Variants in TAOK3 observed in about 807,000 individuals in gnomAD.
The protein encoded by TAOK3 is TAO kinase 3.
TAOK3 carries 40 observed loss-of-function variants against 120.4 expected under a neutral mutation model. That is an observed-to-expected ratio of 0.33 (90% CI 0.26 to 0.43). The LOEUF is 0.43. Among genes scored for constraint, TAOK3 ranks in the 20% least tolerant of loss-of-function variants. The pLI is 1.00. For synonymous variants in TAOK3, 355 were observed against 387.5 expected, an observed-to-expected ratio of 0.92 and a Z score of 0.99; for missense variants, 821 against 1,112.1, an observed-to-expected ratio of 0.74 and a Z score of 3.72.
chr12:118,282,083 G>A (rs2042118970), intron 1 of TAOK3, among the ~76,000 whole-genome samples: 2 of 152,184 alleles, frequency 1.3e-5, no homozygotes, highest in Admixed American at 1.3e-4. Context: ...AAGATTCCTT[G>A]ATCTACAGTA....
At chr12:118,168,553 G>A (rs933138893) in intron 17 of TAOK3, among the ~76,000 whole-genome samples, 5 of 152,006 alleles carry the variant, frequency 3.3e-5, no homozygotes, top group South Asian at 2.1e-4. Flanking sequence ...TTCTGTTTTC[G>A]TCTATTTTCA....
chr12:118,284,359 C>T (rs935813826), intron 1 of TAOK3, among the ~76,000 whole-genome samples: 1 of 152,118 alleles, frequency 6.6e-6, no homozygotes, highest in Non-Finnish European at 1.5e-5. Flanking sequence ...AAGGCAGTTA[C>T]CATACCATGG....
Position 118,244,936 on chromosome 12 carries a change from C to T in TAOK3, c.150G>A (p.Val50=). 1 of 1,610,230 alleles carries T rather than the reference C, an allele frequency of 6.2e-7. No homozygotes were observed. The highest frequency in any genetic ancestry group is 8.5e-7 in the Non-Finnish European group (1 of 1,176,968). Residue 50 remains valine (V), a synonymous_variant, in exon 4 of 21, where the codon GTG becomes GTA. Coordinates refer to ENST00000392533, the MANE Select transcript of TAOK3 (RefSeq NM_016281.4). ...FATNAHTSEV[V]AIKKMSYSGK... Reference sequence around the variant, plus strand: ...CACTATAGGACATCTTCTTAATTGCCACCACCTCACTGGTGTGAGCATTTG... The same window carrying T: ...CACTATAGGACATCTTCTTAATTGCTACCACCTCACTGGTGTGAGCATTTG...
intron 1 of TAOK3, among the ~76,000 whole-genome samples, chr12:118,356,719 C>T (rs546535229): frequency 2.1e-4 from 32 of 151,918 alleles, no homozygotes; most frequent in African/African-American, 7.7e-4. Context: ...TTGAGACCAA[C>T]CTAGGCAACA....
chr12:118,339,434 A>C (rs965498317), intron 1 of TAOK3, among the ~76,000 whole-genome samples: 1 of 151,660 alleles, frequency 6.6e-6, no homozygotes, highest in Non-Finnish European at 1.5e-5. Flanking sequence ...CAATTCTCAA[A>C]TACACTGCGT....
At position 118,179,648 on chromosome 12, in the gene TAOK3, T is replaced by G. The variant is rs185283040; in HGVS notation, c.1566+1723A>C. Among the ~76,000 whole-genome samples the G allele has an allele frequency of 4.0e-3, 604 of 151,654 alleles. 4 individuals carry two copies. The highest frequency in any genetic ancestry group is 9.2e-3 in the African/African-American group (381 of 41,348). On this transcript the variant is annotated intron_variant, in intron 15 of 20. Coordinates refer to ENST00000392533, the MANE Select transcript of TAOK3 (RefSeq NM_016281.4). Reference sequence around the variant, plus strand: ...ACTATCTGCCTTACCCTTCTGTTTTTTTTTTTTTTTTTTCAGTCGGAGTCT... The same window carrying G: ...ACTATCTGCCTTACCCTTCTGTTTTGTTTTTTTTTTTTTCAGTCGGAGTCT...
At chr12:118,316,576 TC>T (rs1271734332) in intron 1 of TAOK3, among the ~76,000 whole-genome samples, 1 of 151,726 alleles carries the variant, frequency 6.6e-6, no homozygotes, top group Non-Finnish European at 1.5e-5. Context: ...AGATTCTCTC[TC>T]TTTTTTTTTT....
intron 9 of TAOK3, among the ~76,000 whole-genome samples, chr12:118,215,894 AT>A (rs1177263025): frequency 2.2e-3 from 310 of 142,000 alleles, no homozygotes; most frequent in Middle Eastern, 3.7e-3. Context: ...AATTTAAACA[AT>A]TTTTTTTTTT....
At chr12:118,215,488 G>T (rs889829451) in intron 9 of TAOK3, among the ~76,000 whole-genome samples, 2 of 151,732 alleles carry the variant, frequency 1.3e-5, no homozygotes, top group African/African-American at 4.8e-5. Context: ...CCCAAGCCTG[G>T]GTGACAGAGT....
intron 1 of TAOK3, among the ~76,000 whole-genome samples, chr12:118,317,511 A>G (rs967291840): frequency 1.3e-5 from 2 of 151,796 alleles, no homozygotes; most frequent in African/African-American, 4.8e-5. Flanking sequence ...GTTAGCCAGG[A>G]TGGTCTCGAT....
intron 1 of TAOK3, among the ~76,000 whole-genome samples, chr12:118,345,815 C>T (rs1375238266): frequency 1.3e-5 from 2 of 151,586 alleles, no homozygotes; most frequent in African/African-American, 2.4e-5. Context: ...GATTAAGGAG[C>T]GACTTAGAAC....
chr12:118,306,797 T>C (rs1376110061), intron 1 of TAOK3, among the ~76,000 whole-genome samples: 2 of 152,212 alleles, frequency 1.3e-5, no homozygotes, highest in East Asian at 3.8e-4. Context: ...AAACTTTTGC[T>C]CTCAGAGTTT....
intron 17 of TAOK3, among the ~76,000 whole-genome samples, chr12:118,169,950 C>A (rs1000513346): frequency 6.6e-6 from 1 of 151,052 alleles, no homozygotes; most frequent in African/African-American, 2.4e-5. Context: ...CTCCATCTCC[C>A]GACCTCGTGA....
At chr12:118,230,715 C>T (rs746063034) in intron 9 of TAOK3, among the ~76,000 whole-genome samples, 8 of 151,948 alleles carry the variant, frequency 5.3e-5, no homozygotes, top group Admixed American at 6.6e-5. Flanking sequence ...GTGATCCGCC[C>T]GCCTCGGCCT....
At chr12:118,202,523 CT>C (rs2038074104) in intron 11 of TAOK3, among the ~76,000 whole-genome samples, 1 of 152,118 alleles carries the variant, frequency 6.6e-6, no homozygotes, top group Non-Finnish European at 1.5e-5. Context: ...ACCCTTGCCA[CT>C]TATTATCGCT....
Position 118,150,397 on chromosome 12 carries a change from A to G in TAOK3, c.*600T>C, listed in dbSNP as rs759203118. The G allele has an allele frequency of 6.6e-6, 1 of 151,866 alleles. No homozygotes were observed. Among genetic ancestry groups the G allele is most frequent in the Non-Finnish European group, 1.5e-5 (1 of 67,856 alleles). The allele number at this position is 151,866 out of a possible 1,614,324, so 9.4% of individuals were successfully genotyped here. On this transcript the variant is annotated 3_prime_UTR_variant, in exon 21 of 21. Transcript: ENST00000392533. ...CCCACCCACCCCCCGTCCCCAAAAA[A>G]GTAATAATATGTCACCACTGATATG...
intron 14 of TAOK3, among the ~76,000 whole-genome samples, chr12:118,188,861 G>A (rs1420821031): frequency 1.3e-5 from 2 of 152,206 alleles, no homozygotes; most frequent in Non-Finnish European, 2.9e-5. Flanking sequence ...TTTTGGCTGA[G>A]AAGTGAGATT....
intron 11 of TAOK3, among the ~76,000 whole-genome samples, chr12:118,201,884 C>A (rs1485437258): frequency 6.6e-6 from 1 of 151,776 alleles, no homozygotes; most frequent in African/African-American, 2.4e-5. Flanking sequence ...CAACTATAGT[C>A]CTCATGCTGT....
chr12:118,333,925 CAG>C (rs2044254119), intron 1 of TAOK3, among the ~76,000 whole-genome samples: 1 of 151,514 alleles, frequency 6.6e-6, no homozygotes, highest in African/African-American at 2.4e-5. Flanking sequence ...CACCTGAGGT[CAG>C]GAGTTCGAGA....
Sources: gnomAD v4.1 joint callset for allele counts (sites outside exome capture counted in the v4.1 genomes callset) on GRCh38, gnomAD v4.1.1 for gene constraint, MANE v1.5 for transcripts, NCBI Gene and HGNC (gene_info 2026-07-23, HGNC 2026-07-21) for gene names.